CDH23: variants seen among roughly 807,000 people sequenced by gnomAD.
The protein encoded by CDH23 is cadherin-23.
CDH23 carries 189 observed loss-of-function variants against 317.1 expected under a neutral mutation model. The observed-to-expected ratio is 0.60, with a 90% CI of 0.53 to 0.67. The LOEUF is 0.67. Ranked by LOEUF, CDH23 falls within the 30% of genes least tolerant of loss-of-function variation. CDH23 has a pLI of 0.00. For synonymous variants in CDH23, 1,839 were observed against 1,876.8 expected (o/e 0.98, Z 0.52); for missense variants, 4,401 against 4,592.4 (o/e 0.96, Z 1.20).
intron 1 of CDH23, among the ~76,000 whole-genome samples, chr10:71,433,878 C>G (rs1216646149): frequency 6.6e-6 from 1 of 151,032 alleles, no homozygotes; most frequent in Non-Finnish European, 1.5e-5. Context: ...AGCCTGGACA[C>G]CAGTCTAGCC....
intron 1 of CDH23, among the ~76,000 whole-genome samples, chr10:71,413,497 G>A (rs1438013572): frequency 6.6e-6 from 1 of 151,924 alleles, no homozygotes; most frequent in Non-Finnish European, 1.5e-5. Context: ...CTTAGAATGG[G>A]TTTTTCTATT....
At chr10:71,767,956 G>A (rs898355760) in intron 38 of CDH23, among the ~76,000 whole-genome samples, 4 of 152,178 alleles carry the variant, frequency 2.6e-5, no homozygotes, top group East Asian at 3.9e-4. Flanking sequence ...GTCCCGGCCC[G>A]TGGATGCTTC....
chr10:71,626,439 G>A lies in CDH23; in HGVS notation c.1134+9046G>A, dbSNP rs539319341. On this transcript the variant is annotated intron_variant, in intron 11 of 69. Transcript: ENST00000224721. Reference sequence around the variant, plus strand: ...GACAAGACCCGTGGCTCCATGTCACGTGTTCAGCTGAGGGTCCCTTTTCCA... The same window carrying A: ...GACAAGACCCGTGGCTCCATGTCACATGTTCAGCTGAGGGTCCCTTTTCCA... Among the ~76,000 whole-genome samples, 9 of 152,312 alleles carry A rather than the reference G, an allele frequency of 5.9e-5. 1 individual carries two copies. In the South Asian group the frequency reaches 1.0e-3, roughly 18 times the overall value.
intron 6 of CDH23, among the ~76,000 whole-genome samples, chr10:71,538,260 G>A (rs1257248987): frequency 1.3e-5 from 2 of 152,180 alleles, no homozygotes; most frequent in Non-Finnish European, 2.9e-5. Flanking sequence ...ACAGTCTCCA[G>A]CATGTGTTAA....
At chr10:71,783,581 G>T (rs555203042) in intron 41 of CDH23, among the ~76,000 whole-genome samples, 1 of 152,236 alleles carries the variant, frequency 6.6e-6, no homozygotes, top group Admixed American at 6.5e-5. Context: ...GCTCTGGACT[G>T]TCAGACATCG....
chr10:71,609,452 T>A (rs1171072154), intron 9 of CDH23, among the ~76,000 whole-genome samples: 1 of 152,074 alleles, frequency 6.6e-6, no homozygotes, highest in African/African-American at 2.4e-5. Context: ...TGTCCCCACA[T>A]CCCTGCCCCA....
intron 38 of CDH23, among the ~76,000 whole-genome samples, chr10:71,755,988 T>C (rs1175082780): frequency 2.0e-5 from 3 of 152,166 alleles, no homozygotes; most frequent in Admixed American, 6.5e-5. Context: ...TTTATCATAA[T>C]AGATAAAAAG....
intron 38 of CDH23, 88 bp from the exon 39 acceptor site, chr10:71,777,592 G>T (rs2132925496): frequency 8.7e-7 from 1 of 1,144,516 alleles, no homozygotes; most frequent in Non-Finnish European, 1.3e-6. Context: ...GTCACATGGA[G>T]TGAGTTCAGC....
intron 11 of CDH23, among the ~76,000 whole-genome samples, chr10:71,627,450 T>C (rs919801846): frequency 6.6e-6 from 1 of 152,218 alleles, no homozygotes; most frequent in Admixed American, 6.5e-5. Context: ...CCCAGCGTGC[T>C]AAGCTCCAGC....
intron 9 of CDH23, among the ~76,000 whole-genome samples, chr10:71,587,674 G>A (rs560325058): frequency 1.5e-4 from 23 of 152,262 alleles, no homozygotes; most frequent in East Asian, 1.9e-4. Context: ...GGAGATCCTC[G>A]TAGCTCCCAC....
chr10:71,722,474 C>T (rs1368191263), intron 28 of CDH23, among the ~76,000 whole-genome samples: 3 of 152,194 alleles, frequency 2.0e-5, no homozygotes, highest in Non-Finnish European at 4.4e-5. Context: ...AGCCTAGTTC[C>T]TCTCCCTGGA....
Position 71,677,675 on chromosome 10 carries a change from A to G in CDH23, c.1734A>G (p.Thr578=), listed in dbSNP as rs533087766. Residue 578 remains threonine (T), a synonymous_variant, in exon 16 of 70, where the codon ACA becomes ACG. Coordinates refer to ENST00000224721, the MANE Select transcript of CDH23 (RefSeq NM_022124.6). ...GALRENEPSV[T]QLVRLRATDE... ...TGCGGGAGAACGAGCCTTCTGTCACACAGCTGGTGCGGCTCCGGGTAAGGT... is the reference window on the plus strand; with the variant it reads ...TGCGGGAGAACGAGCCTTCTGTCACGCAGCTGGTGCGGCTCCGGGTAAGGT... The G allele has an allele frequency of 6.4e-7, 1 of 1,565,250 alleles. No homozygotes were observed. The highest frequency in any genetic ancestry group is 1.9e-5 in the Admixed American group (1 of 52,406).
chr10:71,791,301 C>T lies in CDH23; in HGVS notation c.6219C>T (p.Thr2073=), dbSNP rs544349817. 5 of 1,613,868 alleles carry T rather than the reference C, an allele frequency of 3.1e-6. No individual in the cohort carries two copies. Among genetic ancestry groups the T allele is most frequent in the Non-Finnish European group, 3.4e-6 (4 of 1,179,864 alleles). The change falls in exon 47 of 70, where the codon ACC becomes ACT. Residue 2073 remains threonine, a synonymous_variant. Coordinates refer to ENST00000224721, the MANE Select transcript of CDH23 (RefSeq NM_022124.6). ...NDNRPTFSPA[T]LTVHLLENCP... The stretch of plus-strand genomic sequence containing the variant: ...ACCGGCCCACCTTTAGCCCTGCCAC[C>T]CTCACTGTCCATCTGCTAGAGAACT...
At chr10:71,617,499 G>C (rs762203091) in intron 11 of CDH23, 106 bp downstream of exon 11, 3 of 1,522,242 alleles carry the variant, frequency 2.0e-6, no homozygotes, top group Non-Finnish European at 1.8e-6. Context: ...CAAACATTGC[G>C]GCACCCCACT....
chr10:71,587,617 G>C (rs553852213), intron 9 of CDH23, among the ~76,000 whole-genome samples: 1 of 152,338 alleles, frequency 6.6e-6, no homozygotes, highest in Admixed American at 6.5e-5. Flanking sequence ...CTGGACCAGG[G>C]AAATTTCAGC....
chr10:71,717,750 G>A (rs1033818377), intron 28 of CDH23: 20 of 152,220 alleles, frequency 1.3e-4, no homozygotes, highest in African/African-American at 4.8e-4. Flanking sequence ...AGCTCTGTCA[G>A]TTTCCCAAGA....
chr10:71,495,034 G>T (rs1459617460), intron 3 of CDH23, among the ~76,000 whole-genome samples: 2 of 152,130 alleles, frequency 1.3e-5, no homozygotes, highest in African/African-American at 4.8e-5. Flanking sequence ...CCACCACGGA[G>T]CCCCAGCCCT....
At chr10:71,778,358 A>G in intron 40 of CDH23, 50 bp downstream of exon 40, 2 of 1,609,690 alleles carry the variant, frequency 1.2e-6, no homozygotes, top group Non-Finnish European at 1.7e-6. Context: ...TTGGCGAAGG[A>G]TGGGACCCAG....
At chr10:71,637,885 T>C (rs1281307194) in intron 11 of CDH23, among the ~76,000 whole-genome samples, 2 of 146,274 alleles carry the variant, frequency 1.4e-5, no homozygotes, top group African/African-American at 5.1e-5. Flanking sequence ...TTGCTGTGGC[T>C]CCTGAGGCCA....
Sources: allele counts gnomAD v4.1 joint callset (sites outside exome capture counted in the v4.1 genomes callset), GRCh38; gene constraint gnomAD v4.1.1; transcripts MANE v1.5; gene names NCBI Gene and HGNC (gene_info 2026-07-23, HGNC 2026-07-21).